The following SLC45A4 variants were observed in gnomAD, a reference collection of about 807,000 sequenced individuals.
The protein encoded by SLC45A4 is solute carrier family 45 member 4.
SLC45A4 carries 32 observed loss-of-function variants against 63.7 expected under a neutral mutation model. That is an observed-to-expected ratio of 0.50 (90% CI 0.38 to 0.67). The LOEUF is 0.67. Ranked by LOEUF, SLC45A4 falls within the 30% of genes least tolerant of loss-of-function variation. The pLI is 0.00. For synonymous variants in SLC45A4, 535 were observed against 510.0 expected (o/e 1.05, Z -0.66); for missense variants, 1,027 against 1,157.7 (o/e 0.89, Z 1.64).
intron 1 of SLC45A4, among the ~76,000 whole-genome samples, chr8:141,263,045 T>A (rs1309966690): frequency 6.6e-6 from 1 of 151,676 alleles, no homozygotes; most frequent in Admixed American, 6.6e-5. Context: ...TAAAAAATGA[T>A]GAGTTCATGT....
intron 1 of SLC45A4, among the ~76,000 whole-genome samples, chr8:141,258,590 C>T (rs1417134830): frequency 6.6e-6 from 1 of 152,188 alleles, no homozygotes; most frequent in African/African-American, 2.4e-5. Flanking sequence ...AACAGTCAGA[C>T]CCGTTTTTCA....
chr8:141,228,376 C>G, intron 2 of SLC45A4: 1 of 1,538,980 alleles, frequency 6.5e-7, no homozygotes, highest in East Asian at 2.3e-5. Flanking sequence ...TGGCTAGAGG[C>G]CCCTGGCCAG....
At chr8:141,242,793 A>G (rs35838473) in intron 2 of SLC45A4, among the ~76,000 whole-genome samples, 135,701 of 152,188 alleles carry the variant, frequency 0.89, 60,652 homozygotes, top group East Asian at 1. Context: ...TGGAGGCCAC[A>G]CGTTGGGGGA....
At position 141,254,160 on chromosome 8, in the gene SLC45A4, C is replaced by G. The variant is rs867386871; in HGVS notation, c.70G>C (p.Asp24His). The change falls in exon 2 of 9, where the codon GAC becomes CAC. Residue 24 changes from aspartate (D) to histidine (H), a missense_variant. By Grantham distance (81) the Asp-to-His change is moderately conservative (BLOSUM62 -1). Transcript: ENST00000517878. The surrounding 1 kb of genome is among the most constrained non-coding windows in gnomAD (Gnocchi z 4.5). ...TCTGCGCCTCCGGCTTTCTGCGGGT[C>G]CGGCAGGGGCACGGATAACTCTTGA... is the stretch of plus-strand genomic sequence containing the variant. ...QVQELSVPLP[D>H]PQKAGGAEAE... 3.9e-6 allele frequency: 6 copies of G among 1,536,016 alleles called. No homozygotes were observed. The highest frequency in any genetic ancestry group is 3.9e-5 in the Admixed American group (2 of 50,984).
At chr8:141,283,783 G>C (rs1589850429) in intron 1 of SLC45A4, among the ~76,000 whole-genome samples, 1 of 152,316 alleles carries the variant, frequency 6.6e-6, no homozygotes, top group East Asian at 1.9e-4. Context: ...GAAACCTCCA[G>C]CTCCACCCTG....
rs753548502 is a variant in SLC45A4, at chr8:141,218,656, G to A, written c.984C>T (p.His328=). ...CGTGGAAGATGGAGGGCTCGATGTC[G>A]TGCAGGAACAGCAGCTCGGGCTCCA... ...LDLEPELLFL[H]DIEPSIFHDA... Residue 328 remains histidine, a synonymous_variant, in exon 5 of 9, where the codon CAC becomes CAT. Transcript: ENST00000517878. 8 of 1,613,250 alleles carry A rather than the reference G, an allele frequency of 5.0e-6. No individual in the cohort carries two copies. The highest frequency in any genetic ancestry group is 2.2e-5 in the East Asian group (1 of 44,884).
chr8:141,215,438 G>A lies in SLC45A4; in HGVS notation c.1941+321C>T, dbSNP rs1363611001. On this transcript the variant is annotated intron_variant, in intron 7 of 8. Coordinates refer to ENST00000517878, the MANE Select transcript of SLC45A4 (RefSeq NM_001286646.2). The surrounding 1 kb of genome is among the most constrained non-coding windows in gnomAD (Gnocchi z 4.3). ...TTCCTCCCATCCAAGTGGAAAACAC[G>A]GGGCTGGAGCTTCCCCCTCAGGGAA... 1.3e-5 allele frequency among the ~76,000 whole-genome samples: 2 copies of A among 152,164 alleles called. No individual in the cohort carries two copies. Among genetic ancestry groups the A allele is most frequent in the Non-Finnish European group, 2.9e-5 (2 of 68,048 alleles).
At chr8:141,212,135 G>GCCCCCCCCCCC in intron 8 of SLC45A4, 62 bp downstream of exon 8, 1 of 544,548 alleles carries the variant, frequency 1.8e-6, no homozygotes, top group Non-Finnish European at 2.4e-6. Context: ...GCCTGGCCCC[G>GCCCCCCCCCCC]CCGCCCGCCC....
intron 1 of SLC45A4, among the ~76,000 whole-genome samples, chr8:141,273,045 T>C (rs1165967706): frequency 1.3e-5 from 2 of 152,218 alleles, no homozygotes; most frequent in African/African-American, 4.8e-5. Flanking sequence ...AGATGCAGTG[T>C]CCGACACGTA....
At chr8:141,306,251 A>G (rs951085407) in intron 1 of SLC45A4, among the ~76,000 whole-genome samples, 4 of 152,190 alleles carry the variant, frequency 2.6e-5, no homozygotes, top group Non-Finnish European at 5.9e-5. Context: ...ACACACCTTT[A>G]AATACCCAGT....
intron 1 of SLC45A4, among the ~76,000 whole-genome samples, chr8:141,255,871 A>T (rs1034552769): frequency 2.0e-5 from 3 of 152,208 alleles, no homozygotes; most frequent in African/African-American, 7.2e-5. Flanking sequence ...ATTGGCCTTT[A>T]GGTTATAAAA....
chr8:141,212,629 T>C, intron 7 of SLC45A4, 73 bp from the exon 8 acceptor site: 3 of 1,476,392 alleles, frequency 2.0e-6, no homozygotes, highest in South Asian at 1.3e-5. Context: ...CAACTGTGAG[T>C]ATTAACCCAC....
intron 1 of SLC45A4, among the ~76,000 whole-genome samples, chr8:141,272,485 T>C (rs1224539047): frequency 1.3e-5 from 2 of 152,198 alleles, no homozygotes; most frequent in African/African-American, 4.8e-5. Flanking sequence ...GCTTCCACCC[T>C]TACCCACAGT....
At chr8:141,303,320 T>TG (rs59260237) in intron 1 of SLC45A4, among the ~76,000 whole-genome samples, 1 of 149,976 alleles carries the variant, frequency 6.7e-6, no homozygotes, top group Non-Finnish European at 1.5e-5. Flanking sequence ...TTTTTTTTTT[T>TG]GGACAGGTGG....
At chr8:141,292,687 C>T in intron 1 of SLC45A4, 1 of 152,994 alleles carries the variant, frequency 6.5e-6, no homozygotes, top group Non-Finnish European at 1.5e-5. Context: ...TCTCTCTCTC[C>T]TTGCAGGTGC....
At chr8:141,290,124 T>C (rs57452012) in intron 1 of SLC45A4, among the ~76,000 whole-genome samples, 17,167 of 152,234 alleles carry the variant, frequency 0.11, 1,595 homozygotes, top group East Asian at 0.43. Context: ...CCATATATAA[T>C]ATATACACGT....
intron 2 of SLC45A4, among the ~76,000 whole-genome samples, chr8:141,232,260 T>C (rs963325446): frequency 9.9e-5 from 15 of 152,236 alleles, no homozygotes; most frequent in African/African-American, 3.6e-4. Flanking sequence ...CGCTGCTCTG[T>C]GCGCCATGCT....
At chr8:141,302,359 TCAC>T (rs1225085908) in intron 1 of SLC45A4, among the ~76,000 whole-genome samples, 3 of 145,384 alleles carry the variant, frequency 2.1e-5, no homozygotes, top group East Asian at 1.9e-4. Context: ...CCACTCACCA[TCAC>T]CACCACCACC....
At chr8:141,214,156 C>T (rs1825997921) in intron 7 of SLC45A4, among the ~76,000 whole-genome samples, 2 of 148,768 alleles carry the variant, frequency 1.3e-5, no homozygotes, top group Non-Finnish European at 3.0e-5. Flanking sequence ...TGCACCACTG[C>T]ACTCCAGCCT....
Sources: gnomAD v4.1 joint callset for allele counts (sites outside exome capture counted in the v4.1 genomes callset) on GRCh38, gnomAD v4.1.1 for gene constraint, Gnocchi (gnomAD v3.1) non-coding constraint, MANE v1.5 for transcripts, NCBI Gene and HGNC (gene_info 2026-07-23, HGNC 2026-07-21) for gene names.